SAMD5: variants seen among roughly 807,000 people sequenced by gnomAD.
The protein encoded by SAMD5 is sterile alpha motif domain containing 5, also known as sterile alpha motif domain-containing protein 5.
In SAMD5, 13 loss-of-function variants were observed where a neutral mutation model predicts 11.3. That is an observed-to-expected ratio of 1.15 (90% CI 0.75 to 1.83). The LOEUF (loss-of-function observed/expected upper bound fraction) is 1.83. SAMD5 is among the 40% of genes most tolerant of loss of function. The probability of loss-of-function intolerance (pLI) is 0.00; values close to 1 mark genes in which losing one functional copy is unlikely to be tolerated. For missense variants in SAMD5, 255 were observed against 239.1 expected (o/e 1.07, Z -0.44); for synonymous variants, 129 against 111.3 (o/e 1.16, Z -1.00).
intron 1 of SAMD5, among the ~76,000 whole-genome samples, chr6:147,539,231 T>A (rs1383008699): frequency 3.3e-5 from 5 of 152,188 alleles, no homozygotes; most frequent in Non-Finnish European, 7.4e-5. Flanking sequence ...CTGCATTTCA[T>A]TGCATGGCAA....
Position 147,569,632 on chromosome 6 carries a change from G to C in SAMD5, c.*5176G>C. ...GGTATGTTGACTGGGACAAACGTTA[G>C]AAATTGTATTGTTCATTGCACTTGT... On this transcript the variant is annotated 3_prime_UTR_variant, in exon 2 of 2. Coordinates refer to ENST00000367474, the MANE Select transcript of SAMD5 (RefSeq NM_001030060.3). 4.1e-6 allele frequency: 4 copies of C among 985,318 alleles called. No homozygotes were observed. Among genetic ancestry groups the C allele is most frequent in the Non-Finnish European group, 4.8e-6 (4 of 829,888 alleles). 61.0% of individuals were successfully genotyped at this position (985,318 alleles called of 1,614,324 possible).
At chr6:147,747,707 T>C in the SAMD5 span, among the ~76,000 whole-genome samples, 1 of 152,192 alleles carries the variant, frequency 6.6e-6, no homozygotes, top group Non-Finnish European at 1.5e-5. Context: ...AGAGACTGGG[T>C]TTCACCATGT....
chr6:147,781,169 T>G, the SAMD5 span, among the ~76,000 whole-genome samples: 4 of 151,848 alleles, frequency 2.6e-5, no homozygotes, highest in Non-Finnish European at 5.9e-5. Context: ...GTTTTTTTTT[T>G]TTTTGAGACA....
At chr6:147,941,271 C>CATGA in the SAMD5 span, among the ~76,000 whole-genome samples, 1 of 152,072 alleles carries the variant, frequency 6.6e-6, no homozygotes, top group African/African-American at 2.4e-5. Context: ...GATTCAGGGC[C>CATGA]ATGTGTGTGA....
At chr6:147,609,297 A>G (rs998762936) in intron 1 of SAMD5, among the ~76,000 whole-genome samples, 1 of 152,190 alleles carries the variant, frequency 6.6e-6, no homozygotes, top group African/African-American at 2.4e-5. Context: ...TGTGAACATG[A>G]AGATGGCCGC....
At chr6:147,812,443 C>T in the SAMD5 span, among the ~76,000 whole-genome samples, 1 of 151,984 alleles carries the variant, frequency 6.6e-6, no homozygotes, top group Admixed American at 6.6e-5. Flanking sequence ...AGGGCTCAGG[C>T]ACTGTTTCAG....
chr6:147,819,872 G>C, the SAMD5 span, among the ~76,000 whole-genome samples: 3 of 152,296 alleles, frequency 2.0e-5, no homozygotes, highest in East Asian at 5.8e-4. Flanking sequence ...GGAGAGGCAG[G>C]GTGTCAGCAG....
chr6:147,530,621 T>G (rs1788415774), intron 1 of SAMD5, among the ~76,000 whole-genome samples: 1 of 152,204 alleles, frequency 6.6e-6, no homozygotes, highest in Non-Finnish European at 1.5e-5. Flanking sequence ...TGTTGAGGTT[T>G]GTGCACTTAA....
At chr6:147,637,108 C>G (rs1160390233) in intron 1 of SAMD5, among the ~76,000 whole-genome samples, 1 of 152,142 alleles carries the variant, frequency 6.6e-6, no homozygotes, top group Non-Finnish European at 1.5e-5. Context: ...TCACACGGCA[C>G]AGAATAGCCC....
At chr6:147,575,201 T>C (rs1246033973) in intron 1 of SAMD5, among the ~76,000 whole-genome samples, 1 of 152,252 alleles carries the variant, frequency 6.6e-6, no homozygotes, top group Non-Finnish European at 1.5e-5. Context: ...TGTCCATCTA[T>C]GGCCCTGTTG....
chr6:147,947,668 AT>A, the SAMD5 span: 2 of 151,962 alleles, frequency 1.3e-5, no homozygotes, highest in Non-Finnish European at 2.9e-5. Context: ...TCTTGTTCAG[AT>A]TTTTTCTTTT....
chr6:147,663,802 AAAAAAAAAAAGAG>A (rs1790678951), intron 1 of SAMD5, among the ~76,000 whole-genome samples: 2 of 140,142 alleles, frequency 1.4e-5, no homozygotes, highest in African/African-American at 4.9e-5. Flanking sequence ...AAAAAAAAAA[AAAAAAAAAAAGAG>A]AGAGAAAGAA....
At chr6:147,919,694 G>C in the SAMD5 span, among the ~76,000 whole-genome samples, 1 of 152,146 alleles carries the variant, frequency 6.6e-6, no homozygotes, top group African/African-American at 2.4e-5. Context: ...TCCCATTTTT[G>C]AACTTGAGTT....
intron 1 of SAMD5, among the ~76,000 whole-genome samples, chr6:147,694,396 T>C (rs1186298685): frequency 6.6e-6 from 1 of 152,186 alleles, no homozygotes; most frequent in African/African-American, 2.4e-5. Flanking sequence ...GGGATTTATT[T>C]TCCCAAATAA....
intron 1 of SAMD5, among the ~76,000 whole-genome samples, chr6:147,724,861 T>G (rs1791603888): frequency 6.6e-6 from 1 of 152,092 alleles, no homozygotes; most frequent in Non-Finnish European, 1.5e-5. Context: ...CCTAAGAGTT[T>G]GGTGATTTAA....
At chr6:147,600,874 G>A (rs568440770) in intron 1 of SAMD5, among the ~76,000 whole-genome samples, 19 of 152,312 alleles carry the variant, frequency 1.2e-4, no homozygotes, top group South Asian at 4.2e-4. Context: ...TAAGGAAATC[G>A]AATGCTGCTG....
At chr6:147,802,495 A>G in the SAMD5 span, among the ~76,000 whole-genome samples, 1 of 152,244 alleles carries the variant, frequency 6.6e-6, no homozygotes, top group South Asian at 2.1e-4. Flanking sequence ...GAAAAGTAGT[A>G]TAGCAGTTTC....
chr6:147,581,941 G>A (rs1052112956), intron 1 of SAMD5, among the ~76,000 whole-genome samples: 7 of 152,118 alleles, frequency 4.6e-5, no homozygotes, highest in Non-Finnish European at 8.8e-5. Flanking sequence ...AGTGGATAAA[G>A]ACACAGAAGG....
At chr6:147,558,569 A>G (rs1166867031) in intron 1 of SAMD5, among the ~76,000 whole-genome samples, 6 of 151,658 alleles carry the variant, frequency 4.0e-5, no homozygotes, top group Non-Finnish European at 7.4e-5. Context: ...TTCCTGTCAC[A>G]GCTCTCTTGG....
Sources: allele counts gnomAD v4.1 joint callset (sites outside exome capture counted in the v4.1 genomes callset), GRCh38; gene constraint gnomAD v4.1.1; transcripts MANE v1.5; gene names NCBI Gene and HGNC (gene_info 2026-07-23, HGNC 2026-07-21).